The following GIMAP4 variants were observed in gnomAD, a reference collection of about 807,000 sequenced individuals.
GIMAP4 encodes the protein GTPase IMAP family member 4.
GIMAP4 carries 12 observed loss-of-function variants against 10.8 expected under a neutral mutation model. That is an observed-to-expected ratio of 1.11 (90% CI 0.71 to 1.81). The LOEUF (loss-of-function observed/expected upper bound fraction) is 1.81, where lower values mean the gene tolerates loss of function less well. GIMAP4 is among the 40% of genes most tolerant of loss of function. The pLI, the probability that GIMAP4 is intolerant of heterozygous loss-of-function variation, is 0.00. For missense variants in GIMAP4, 412 were observed against 404.6 expected (o/e 1.02, Z -0.16); for synonymous variants, 149 against 147.2 (o/e 1.01, Z -0.09).
intron 2 of GIMAP4, 53 bp from the exon 3 acceptor site, chr7:150,572,076 C>G (rs1795735480): frequency 8.5e-7 from 1 of 1,181,748 alleles, no homozygotes. Flanking sequence ...GCAGGGGAAT[C>G]TATTAGAGGT....
intron 2 of GIMAP4, 121 bp downstream of exon 2, chr7:150,570,080 C>A: frequency 1.4e-6 from 1 of 699,864 alleles, no homozygotes; most frequent in South Asian, 1.6e-5. Flanking sequence ...CCCATTTGAG[C>A]AGGAGAAAAA....
chr7:150,572,732 A>G lies in GIMAP4; in HGVS notation c.662A>G (p.Tyr221Cys). 7.4e-6 allele frequency: 12 copies of G among 1,614,228 alleles called. No individual in the cohort carries two copies. Among genetic ancestry groups the G allele is most frequent in the Non-Finnish European group, 9.3e-6 (11 of 1,180,034 alleles). The change falls in exon 3 of 3, where the codon TAC becomes TGC. Residue 221 changes from tyrosine (Y) to cysteine (C), a missense_variant. Transcript: ENST00000255945. The stretch of plus-strand genomic sequence containing the variant: ...GTGAGGGAGAACAAGGAAGGCTGCT[A>G]CACTAATAGGATGTACCAAAGGGCG... The part of the protein sequence containing the change: ...RVVRENKEGC[Y>C]TNRMYQRAEE...
rs2051892981 is a variant in GIMAP4, at chr7:150,573,819, A to C, written c.*759A>C. On this transcript the variant is annotated 3_prime_UTR_variant, in exon 3 of 3. Coordinates refer to ENST00000255945, the MANE Select transcript of GIMAP4 (RefSeq NM_018326.3). ...CCCAGTTCTCTTCTTTTCTAGAGAAAGATAGTTGCAACCTCACCTCCCTCA... is the reference window on the plus strand; with the variant it reads ...CCCAGTTCTCTTCTTTTCTAGAGAACGATAGTTGCAACCTCACCTCCCTCA... 1 of 152,230 alleles carries C rather than the reference A, an allele frequency of 6.6e-6. No homozygotes were observed. The highest frequency in any genetic ancestry group is 1.5e-5 in the Non-Finnish European group (1 of 68,038). The allele number at this position is 152,230 out of a possible 1,614,324, so 9.4% of individuals were successfully genotyped here.
At chr7:150,571,584 C>T (rs1352062821) in intron 2 of GIMAP4, among the ~76,000 whole-genome samples, 3 of 152,048 alleles carry the variant, frequency 2.0e-5, no homozygotes, top group African/African-American at 2.4e-5. Flanking sequence ...AGTTTGAGAC[C>T]GGCCTGATCA....
chr7:150,569,401 A>G (rs944529119), intron 1 of GIMAP4, among the ~76,000 whole-genome samples: 1 of 152,206 alleles, frequency 6.6e-6, no homozygotes, highest in Non-Finnish European at 1.5e-5. Context: ...TGCAGGAGCC[A>G]CGGGGCTAGA....
Position 150,572,627 on chromosome 7 carries a change from A to G in GIMAP4, c.557A>G (p.Tyr186Cys). The change falls in exon 3 of 3, where the codon TAC becomes TGC. Residue 186 changes from tyrosine to cysteine, a missense_variant. Transcript: ENST00000255945. ...TTGATGGACATTTTCGGTGACCGCT[A>G]CTGTGCGTTAAACAACAAGGCAACA... ...QDLMDIFGDR[Y>C]CALNNKATGA... 6.2e-6 allele frequency: 10 copies of G among 1,614,208 alleles called. No homozygotes were observed. The highest frequency in any genetic ancestry group is 8.5e-6 in the Non-Finnish European group (10 of 1,180,026).
In GIMAP4 at chr7:150,572,844, G is replaced by A. The variant is rs776586372; in HGVS notation, c.774G>A (p.Glu258=). The change falls in exon 3 of 3, where the codon GAG becomes GAA. Residue 258 remains glutamate, a synonymous_variant. Coordinates refer to ENST00000255945, the MANE Select transcript of GIMAP4 (RefSeq NM_018326.3). ...GAGAGAAAGCGCGGATAAGAGAGGA[G>A]TATGAAGAGAAAATCAGAAAGCTGG... ...LEREKARIRE[E]YEEKIRKLED... is the part of the protein sequence containing the mutation. The A allele has an allele frequency of 1.4e-5, 22 of 1,613,532 alleles. 1 individual carries two copies. Among genetic ancestry groups the A allele is most frequent in the Non-Finnish European group, 1.7e-5 (20 of 1,179,776 alleles).
rs1164125669 is a variant in GIMAP4 at position 150,572,430 on chromosome 7, G to T, written c.360G>T (p.Val120=). 1.9e-6 allele frequency: 3 copies of T among 1,614,044 alleles called. No homozygotes were observed. Among genetic ancestry groups the T allele is most frequent in the Non-Finnish European group, 2.5e-6 (3 of 1,180,004 alleles). The change falls in exon 3 of 3, where the codon GTG becomes GTT. Residue 120 remains valine (V), a synonymous_variant. Coordinates refer to ENST00000255945, the MANE Select transcript of GIMAP4 (RefSeq NM_018326.3). ...CAGGGCCTCATGCTCTGCTTCTGGT[G>T]GTTCCACTGGGCCGTTACACTGAGG... ...TSPGPHALLL[V]VPLGRYTEEE...
At position 150,569,933 on chromosome 7, in the gene GIMAP4, ACC is replaced by A; in HGVS notation, c.35_36del (p.Pro12GlnfsTer26). ...GCCCAATACGGCAGTATGAGCTTCA[ACC>A]CCAGCACACCAGGGGCCAGTTATGG... On this transcript the variant is annotated frameshift_variant, in exon 2 of 3. Transcript: ENST00000255945. LOFTEE classifies it high-confidence loss of function. 6.7e-7 allele frequency: 1 copy of A among 1,487,018 alleles called. No individual in the cohort carries two copies. Among genetic ancestry groups the A allele is most frequent in the Non-Finnish European group, 9.1e-7 (1 of 1,100,376 alleles). The allele number at this position is 1,487,018 out of a possible 1,614,324, so 92.1% of individuals were successfully genotyped here. A position where few individuals can be genotyped will look rare whatever the true frequency, so the allele number is the denominator to read the frequency against.
In GIMAP4 at chr7:150,572,811, G is replaced by T. The variant is rs751750591; in HGVS notation, c.741G>T (p.Glu247Asp). Residue 247 changes from glutamate to aspartate, a missense_variant, in exon 3 of 3, where the codon GAG becomes GAT. Physicochemically the swap from Glu to Asp is conservative, Grantham distance 45 (BLOSUM62 2). Coordinates refer to ENST00000255945, the MANE Select transcript of GIMAP4 (RefSeq NM_018326.3). ...CAATGCAAGAACTCCACAGAGTGGA[G>T]CTGGAGAGAGAGAAAGCGCGGATAA... is the stretch of plus-strand genomic sequence containing the variant. ...TQAMQELHRVELEREKARIRE... is the reference protein window; with the variant it reads ...TQAMQELHRVDLEREKARIRE... The T allele has an allele frequency of 2.5e-6, 4 of 1,614,062 alleles. No homozygotes were observed. The highest frequency in any genetic ancestry group is 1.7e-5 in the Admixed American group (1 of 60,014).
chr7:150,570,943 A>C (rs563870933), intron 2 of GIMAP4, among the ~76,000 whole-genome samples: 3 of 152,164 alleles, frequency 2.0e-5, no homozygotes, highest in Non-Finnish European at 4.4e-5. Context: ...GACAGATAGC[A>C]TCTTGATGGG....
chr7:150,572,323 G>T lies in GIMAP4; in HGVS notation c.253G>T (p.Asp85Tyr). The change falls in exon 3 of 3, where the codon GAC (aspartate) becomes TAC (tyrosine). Residue 85 changes from aspartate (D) to tyrosine (Y), a missense_variant. Transcript: ENST00000255945. ...SWKETELVVV[D>Y]TPGIFDTEVP... ...GAAGGAAACAGAACTTGTCGTAGTTGACACACCAGGCATTTTCGACACAGA... is the reference window on the plus strand; with the variant it reads ...GAAGGAAACAGAACTTGTCGTAGTTTACACACCAGGCATTTTCGACACAGA... 6.2e-7 allele frequency: 1 copy of T among 1,614,100 alleles called. No homozygotes were observed. The highest frequency in any genetic ancestry group is 8.5e-7 in the Non-Finnish European group (1 of 1,179,982).
At chr7:150,568,227 G>C (rs1795687039) in intron 1 of GIMAP4, among the ~76,000 whole-genome samples, 1 of 152,166 alleles carries the variant, frequency 6.6e-6, no homozygotes, top group Non-Finnish European at 1.5e-5. Context: ...TTTTCTTCTT[G>C]CTGGTGTCCT....
rs199615661 is a variant in GIMAP4, at chr7:150,573,098, C to T, written c.*38C>T. 1 of 1,347,124 alleles carries T rather than the reference C, an allele frequency of 7.4e-7. No homozygotes were observed. Among genetic ancestry groups the T allele is most frequent in the Non-Finnish European group, 1.0e-6 (1 of 957,322 alleles). 83.4% of individuals were successfully genotyped at this position (1,347,124 alleles called of 1,614,324 possible). On this transcript the variant is annotated 3_prime_UTR_variant, in exon 3 of 3. Transcript: ENST00000255945. ...TCTGTTTGTATTTTCTGCATATTCT[C>T]TGGCAACCTTGCCCCATACTTACTT...
chr7:150,569,373 T>C (rs1050297558), intron 1 of GIMAP4, among the ~76,000 whole-genome samples: 1 of 152,106 alleles, frequency 6.6e-6, no homozygotes, highest in Non-Finnish European at 1.5e-5. Context: ...AAAAGAGTTG[T>C]AGATGACCCC....
At chr7:150,570,054 G>T in intron 2 of GIMAP4, 95 bp downstream of exon 2, 2 of 779,442 alleles carry the variant, frequency 2.6e-6, no homozygotes, top group Non-Finnish European at 2.2e-6. Flanking sequence ...GGGTTCTCCT[G>T]CCTTGCCACC....
rs779549294 is a variant in GIMAP4, at chr7:150,572,252, C to A, written c.182C>A (p.Ala61Glu). 20 of 1,613,944 alleles carry A rather than the reference C, an allele frequency of 1.2e-5. No homozygotes were observed. Among genetic ancestry groups the A allele is most frequent in the Non-Finnish European group, 1.6e-5 (19 of 1,179,944 alleles). ...CGGAAAGTGTTTCATTCTGGCACTG[C>A]AGCAAAATCCATTACCAAGAAGTGT... ...LGRKVFHSGT[A>E]AKSITKKCEK... is the part of the protein sequence containing the mutation. The change falls in exon 3 of 3, where the codon GCA becomes GAA. Residue 61 changes from alanine (A) to glutamate (E), a missense_variant. Transcript: ENST00000255945.
Position 150,572,917 on chromosome 7 carries a change from C to T in GIMAP4, c.847C>T (p.Leu283=). Residue 283 remains leucine (L), a synonymous_variant, in exon 3 of 3, where the codon CTA becomes TTA. Coordinates refer to ENST00000255945, the MANE Select transcript of GIMAP4 (RefSeq NM_018326.3). ...GAGAAAGAAGCAAATGGAGAAGAAA[C>T]TAGCAGAACAGGAGGCTCACTATGC... ...EKRKKQMEKK[L]AEQEAHYAVR... is the part of the protein sequence containing the mutation. The T allele has an allele frequency of 6.2e-7, 1 of 1,614,066 alleles. No homozygotes were observed. The highest frequency in any genetic ancestry group is 8.5e-7 in the Non-Finnish European group (1 of 1,179,994).
intron 2 of GIMAP4, 99 bp downstream of exon 2, chr7:150,570,058 T>G: frequency 1.3e-6 from 1 of 767,420 alleles, no homozygotes. Flanking sequence ...TCTCCTGCCT[T>G]GCCACCCAGT....
Sources: gnomAD v4.1 joint callset for allele counts (sites outside exome capture counted in the v4.1 genomes callset) on GRCh38, gnomAD v4.1.1 for gene constraint, MANE v1.5 for transcripts, NCBI Gene and HGNC (gene_info 2026-07-23, HGNC 2026-07-21) for gene names.